PPP1R12B: variants seen among roughly 807,000 people sequenced by gnomAD.
PPP1R12B encodes myosin phosphatase target subunit 2.
Under a neutral mutation model 126.1 loss-of-function variants are expected in PPP1R12B, and 76 were observed. That is an observed-to-expected ratio of 0.60 (90% CI 0.50 to 0.73). PPP1R12B has a LOEUF of 0.73. Ranked by LOEUF, PPP1R12B falls within the 30% of genes least tolerant of loss-of-function variation. The pLI is 0.00. For missense variants in PPP1R12B, 1,052 were observed against 1,205.1 expected (o/e 0.87, Z 1.88); for synonymous variants, 356 against 434.7 (o/e 0.82, Z 2.25).
At chr1:202,563,170 G>A (rs772265330) in intron 20 of PPP1R12B, among the ~76,000 whole-genome samples, 32 of 152,156 alleles carry the variant, frequency 2.1e-4, no homozygotes, top group Non-Finnish European at 3.2e-4. Flanking sequence ...AGGCTAAAGC[G>A]CAGTGGTGCA....
chr1:202,475,317 G>A (rs934081608), intron 13 of PPP1R12B, among the ~76,000 whole-genome samples: 2 of 152,164 alleles, frequency 1.3e-5, no homozygotes, highest in African/African-American at 4.8e-5. Context: ...TTTGTTCATG[G>A]CAGTCTTATA....
rs1017368743 is a variant in PPP1R12B at position 202,417,437 on chromosome 1, A to C, written c.422+520A>C. 16 of 982,142 alleles carry C rather than the reference A, an allele frequency of 1.6e-5. No individual in the cohort carries two copies. The African/African-American group carries it at 2.4e-4, about 15-fold the overall frequency. The allele number at this position is 982,142 out of a possible 1,614,324, so 60.8% of individuals were successfully genotyped here. ...GGCATGTGTTCTCCACATTAGTTGAATGGGAATATTTAATAAGATACATTA... is the reference window on the plus strand; with the variant it reads ...GGCATGTGTTCTCCACATTAGTTGACTGGGAATATTTAATAAGATACATTA... On this transcript the variant is annotated intron_variant, in intron 2 of 23. Transcript: ENST00000608999.
At position 202,588,863 on chromosome 1, in the gene PPP1R12B, A is replaced by ATAGATAGAT. The variant is rs1689997330; in HGVS notation, c.*8304_*8312dup. 1 of 144,168 alleles carries ATAGATAGAT rather than the reference A, an allele frequency of 6.9e-6. No individual in the cohort carries two copies. 8.9% of individuals were successfully genotyped at this position (144,168 alleles called of 1,614,324 possible). On this transcript the variant is annotated 3_prime_UTR_variant, in exon 24 of 24. Transcript: ENST00000608999. ...GATAGATAGATAGATAGATAGATAG[A>ATAGATAGAT]TAGATAGATATCAAGGTTCCAAGCT...
intron 13 of PPP1R12B, among the ~76,000 whole-genome samples, chr1:202,457,256 A>C (rs1197105575): frequency 6.6e-6 from 1 of 152,230 alleles, no homozygotes; most frequent in Non-Finnish European, 1.5e-5. Context: ...AGACCAAAGA[A>C]AACATTTTTT....
intron 1 of PPP1R12B, 30 bp downstream of exon 1, chr1:202,349,172 C>T: frequency 6.2e-7 from 1 of 1,609,934 alleles, no homozygotes; most frequent in Non-Finnish European, 8.5e-7. Flanking sequence ...TAGAGGCGTC[C>T]AGTCTCCTAC....
At chr1:202,435,007 G>A (rs1429279827) in intron 9 of PPP1R12B, among the ~76,000 whole-genome samples, 1 of 152,060 alleles carries the variant, frequency 6.6e-6, no homozygotes, top group Non-Finnish European at 1.5e-5. Context: ...TCCTGGTGAG[G>A]GCCCTCTTTC....
chr1:202,372,982 T>A (rs947247594), intron 1 of PPP1R12B, among the ~76,000 whole-genome samples: 29 of 152,072 alleles, frequency 1.9e-4, no homozygotes, highest in Non-Finnish European at 3.1e-4. Flanking sequence ...TCACCCAGGC[T>A]GGAGTACACT....
At chr1:202,512,123 T>TA (rs1470637658) in intron 18 of PPP1R12B, among the ~76,000 whole-genome samples, 3 of 152,208 alleles carry the variant, frequency 2.0e-5, no homozygotes, top group Non-Finnish European at 4.4e-5. Flanking sequence ...GTCACCTGAC[T>TA]AGGCTCTAGG....
chr1:202,527,252 C>T (rs1286456907), intron 18 of PPP1R12B: 3 of 152,136 alleles, frequency 2.0e-5, no homozygotes, highest in African/African-American at 7.2e-5. Context: ...AGTCTGGGGC[C>T]TGGGATGCAA....
chr1:202,452,647 C>T (rs1401068619), intron 13 of PPP1R12B, among the ~76,000 whole-genome samples: 1 of 152,120 alleles, frequency 6.6e-6, no homozygotes, highest in Non-Finnish European at 1.5e-5. Flanking sequence ...AGATTGTTCA[C>T]TGTTGGCAAA....
intron 10 of PPP1R12B, chr1:202,438,851 T>C (rs1212543984): frequency 2.7e-6 from 3 of 1,112,580 alleles, no homozygotes; most frequent in Non-Finnish European, 4.1e-6. Context: ...TGGTCACTGC[T>C]GACTCCATCT....
At chr1:202,534,279 T>C (rs1210972306) in intron 18 of PPP1R12B, among the ~76,000 whole-genome samples, 1 of 152,192 alleles carries the variant, frequency 6.6e-6, no homozygotes, top group Non-Finnish European at 1.5e-5. Flanking sequence ...GAGATCAGGC[T>C]CATTTTCTTT....
At chr1:202,467,188 C>T (rs575389780) in intron 13 of PPP1R12B, among the ~76,000 whole-genome samples, 3 of 151,568 alleles carry the variant, frequency 2.0e-5, no homozygotes, top group Non-Finnish European at 2.9e-5. Flanking sequence ...GCAAGCAATG[C>T]TGTCCTCCCT....
intron 1 of PPP1R12B, among the ~76,000 whole-genome samples, chr1:202,360,813 C>T (rs924790077): frequency 6.6e-6 from 1 of 151,814 alleles, no homozygotes; most frequent in Non-Finnish European, 1.5e-5. Context: ...TTAGTAGTAC[C>T]CTTCGTATGT....
At chr1:202,369,202 A>G (rs61821704) in intron 1 of PPP1R12B, among the ~76,000 whole-genome samples, 54 of 152,356 alleles carry the variant, frequency 3.5e-4, no homozygotes, top group Non-Finnish European at 7.3e-4. Context: ...AAATATATTC[A>G]TATAGCTAGT....
chr1:202,442,303 G>A (rs1671728426), intron 11 of PPP1R12B, 144 bp from the exon 12 acceptor site: 1 of 879,582 alleles, frequency 1.1e-6, no homozygotes, highest in African/African-American at 1.7e-5. Context: ...ACAGAAAACT[G>A]GTATATAAAA....
At position 202,414,440 on chromosome 1, in the gene PPP1R12B, G is replaced by T. The variant is rs183430695; in HGVS notation, c.292-2347G>T. Among the ~76,000 whole-genome samples the T allele has an allele frequency of 3.4e-3, 511 of 152,300 alleles. 3 individuals are homozygous for T. The highest frequency in any genetic ancestry group is 5.6e-3 in the Non-Finnish European group (382 of 68,028). On this transcript the variant is annotated intron_variant, in intron 1 of 23. Transcript: ENST00000608999. ...TATTTGGAAAATATAGGTTGATTGA[G>T]TTACAGAGATCTTACAAATCTAAAT...
At chr1:202,389,216 T>G (rs944150755) in intron 1 of PPP1R12B, among the ~76,000 whole-genome samples, 6 of 152,052 alleles carry the variant, frequency 3.9e-5, no homozygotes, top group African/African-American at 1.4e-4. Context: ...ACTTCCTGAG[T>G]AAAATGAAAC....
At position 202,562,860 on chromosome 1, in the gene PPP1R12B, G is replaced by A. The variant is rs893983519; in HGVS notation, c.2590G>A (p.Glu864Lys). 1.2e-6 allele frequency: 2 copies of A among 1,613,132 alleles called. No individual in the cohort carries two copies. The highest frequency in any genetic ancestry group is 3.3e-5 in the Admixed American group (2 of 59,740). ...ASARARREAREARLATLTSRV... is the reference protein window; with the variant it reads ...ASARARREARKARLATLTSRV... ...AGCAAGAGCCCGTCGGGAGGCCCGG[G>A]AGGCCCGCCTAGCCACCCTGACCAG... The change falls in exon 20 of 24, where the codon GAG becomes AAG. Residue 864 changes from glutamate (E) to lysine (K), a missense_variant. Glu to Lys is a moderately conservative substitution (Grantham distance 56). Coordinates refer to ENST00000608999, the MANE Select transcript of PPP1R12B (RefSeq NM_002481.4).
Sources: allele counts gnomAD v4.1 joint callset (sites outside exome capture counted in the v4.1 genomes callset), GRCh38; gene constraint gnomAD v4.1.1; transcripts MANE v1.5; gene names NCBI Gene and HGNC (gene_info 2026-07-23, HGNC 2026-07-21).